Variants in SIPA1L1 observed in about 807,000 individuals in gnomAD.
SIPA1L1 encodes signal induced proliferation associated 1 like 1, also known as signal-induced proliferation-associated 1-like protein 1.
In SIPA1L1, 26 loss-of-function variants were observed where a neutral mutation model predicts 162.7. The ratio of observed to expected loss-of-function variants is 0.16; its 90% CI spans 0.12 to 0.22. The LOEUF (loss-of-function observed/expected upper bound fraction) is 0.22. Among genes scored for constraint, SIPA1L1 ranks in the 10% least tolerant of loss-of-function variants. The pLI, the probability that SIPA1L1 is intolerant of heterozygous loss-of-function variation, is 1.00. For missense variants in SIPA1L1, 1,874 were observed against 2,241.0 expected, an observed-to-expected ratio of 0.84 and a Z score of 3.31; for synonymous variants, 829 against 837.4, an observed-to-expected ratio of 0.99 and a Z score of 0.17.
At chr14:71,617,551 T>A (rs1272447634) in intron 5 of SIPA1L1, among the ~76,000 whole-genome samples, 2 of 152,264 alleles carry the variant, frequency 1.3e-5, no homozygotes, top group African/African-American at 4.8e-5. Context: ...ACATTTATGA[T>A]TGTAGCTTTT....
chr14:71,469,120 C>T (rs1328226783), intron 2 of SIPA1L1, among the ~76,000 whole-genome samples: 1 of 151,996 alleles, frequency 6.6e-6, no homozygotes, highest in African/African-American at 2.4e-5. Flanking sequence ...CCTTACCAAT[C>T]CGCAGAGTCC....
intron 7 of SIPA1L1, among the ~76,000 whole-genome samples, chr14:71,629,991 A>C (rs1396953562): frequency 6.6e-6 from 1 of 152,232 alleles, no homozygotes; most frequent in African/African-American, 2.4e-5. Context: ...AATGAGTTTG[A>C]CTAGCCATTT....
chr14:71,361,099 G>T (rs2037770577), intron 2 of SIPA1L1, among the ~76,000 whole-genome samples: 1 of 152,064 alleles, frequency 6.6e-6, no homozygotes, highest in African/African-American at 2.4e-5. Context: ...CTTCACTAGG[G>T]ATATGATAAA....
intron 7 of SIPA1L1, among the ~76,000 whole-genome samples, chr14:71,635,575 G>A (rs1212407113): frequency 1.3e-5 from 2 of 152,092 alleles, no homozygotes; most frequent in Non-Finnish European, 2.9e-5. Flanking sequence ...GATATATATA[G>A]TAATACATAG....
chr14:71,729,907 G>A (rs1200960309), intron 19 of SIPA1L1, 148 bp from the exon 20 acceptor site: 2 of 867,976 alleles, frequency 2.3e-6, no homozygotes, highest in African/African-American at 1.7e-5. Flanking sequence ...AGCTCCTTGA[G>A]GTTGTAGAAA....
At chr14:71,386,883 TTTTCTCATTGGTTTGTGTG>T in intron 2 of SIPA1L1, among the ~76,000 whole-genome samples, 1 of 152,308 alleles carries the variant, frequency 6.6e-6, no homozygotes, top group African/African-American at 2.4e-5. Context: ...TTACTGTGAA[TTTTCTCATTGGTTTGTGTG>T]AAAAATCTTC....
intron 2 of SIPA1L1, among the ~76,000 whole-genome samples, chr14:71,512,359 A>G (rs2051229526): frequency 6.6e-6 from 1 of 152,056 alleles, no homozygotes; most frequent in South Asian, 2.1e-4. Flanking sequence ...ACGTTAAAAT[A>G]TGTTCTTTCA....
At position 71,709,528 on chromosome 14, in the gene SIPA1L1, A is replaced by C. The variant is rs750851232; in HGVS notation, c.4072A>C (p.Thr1358Pro). The C allele has an allele frequency of 1.9e-6, 3 of 1,614,200 alleles. No homozygotes were observed. In the South Asian group the frequency reaches 3.3e-5, roughly 18 times the overall value. ...CTCCATGGCAGATCGGACTTTGGAG[A>C]CAGAGAGCCACGGCCTGGACCGGAA... ...VISMADRTLE[T>P]ESHGLDRKTE... The change falls in exon 17 of 24, where the codon ACA becomes CCA. Residue 1358 changes from threonine to proline, a missense_variant. Physicochemically the swap from Thr to Pro is conservative, Grantham distance 38. Transcript: ENST00000381232.
intron 7 of SIPA1L1, among the ~76,000 whole-genome samples, chr14:71,627,743 A>T (rs938025745): frequency 6.6e-6 from 1 of 152,176 alleles, no homozygotes; most frequent in Non-Finnish European, 1.5e-5. Flanking sequence ...GGCCTATTTT[A>T]CAGTCAAGGG....
In SIPA1L1 at chr14:71,361,021, T is replaced by A. The variant is rs191113946; in HGVS notation, c.-465+39840T>A. ...ATTTGTATATATAGTTTATATATATTTTTTTTTCCTGAGGATAAAATTATA... is the reference window on the plus strand; with the variant it reads ...ATTTGTATATATAGTTTATATATATATTTTTTTCCTGAGGATAAAATTATA... On this transcript the variant is annotated intron_variant, in intron 2 of 23. Coordinates refer to ENST00000381232, the MANE Select transcript of SIPA1L1 (RefSeq NM_001386936.1). Among the ~76,000 whole-genome samples the A allele has an allele frequency of 3.3e-3, 501 of 152,042 alleles. 1 individual carries two copies. The highest frequency in any genetic ancestry group is 0.014 in the South Asian group (67 of 4,818).
intron 2 of SIPA1L1, among the ~76,000 whole-genome samples, chr14:71,505,961 C>CT (rs1362284508): frequency 1.2e-5 from 1 of 84,694 alleles, no homozygotes; most frequent in Non-Finnish European, 2.8e-5. Context: ...TGCAAATATT[C>CT]CCCCCCCCCA....
At chr14:71,542,367 C>CCTGTTGCTG (rs58791623) in intron 4 of SIPA1L1, among the ~76,000 whole-genome samples, 11 of 137,496 alleles carry the variant, frequency 8.0e-5, no homozygotes, top group East Asian at 4.6e-4. Context: ...TCTTCTTCTT[C>CCTGTTGCTG]CTGCTGCTGC....
intron 3 of SIPA1L1, among the ~76,000 whole-genome samples, chr14:71,513,646 C>T (rs892895639): frequency 2.6e-5 from 4 of 151,998 alleles, no homozygotes; most frequent in South Asian, 2.1e-4. Flanking sequence ...CACGTGCCAC[C>T]GTGCCTAGCT....
At chr14:71,589,402 CT>C in intron 5 of SIPA1L1, 32 bp downstream of exon 5, 1 of 1,414,482 alleles carries the variant, frequency 7.1e-7, no homozygotes, top group Non-Finnish European at 9.8e-7. Context: ...CTTACATTTT[CT>C]TTTGCAGTAC....
intron 21 of SIPA1L1, among the ~76,000 whole-genome samples, chr14:71,734,724 G>A (rs1310129997): frequency 1.3e-5 from 2 of 152,014 alleles, no homozygotes; most frequent in African/African-American, 2.4e-5. Context: ...TCAGTGTGTT[G>A]GTTAATCTCC....
At chr14:71,400,739 A>G (rs1004747942) in intron 2 of SIPA1L1, 3 of 152,136 alleles carry the variant, frequency 2.0e-5, no homozygotes, top group African/African-American at 7.2e-5. Context: ...GATAAGGAAT[A>G]ATATAATGCC....
chr14:71,481,943 A>G lies in SIPA1L1; in HGVS notation c.-464-30800A>G, dbSNP rs536398933. ...TTGGATAATCCTATGACATCTCTTTATAGATATATCAAAATGGTAACTGGT... is the reference window on the plus strand; with the variant it reads ...TTGGATAATCCTATGACATCTCTTTGTAGATATATCAAAATGGTAACTGGT... On this transcript the variant is annotated intron_variant, in intron 2 of 23. Coordinates refer to ENST00000381232, the MANE Select transcript of SIPA1L1 (RefSeq NM_001386936.1). 1.9e-3 allele frequency among the ~76,000 whole-genome samples: 284 copies of G among 152,370 alleles called. 5 individuals are homozygous for G. Among genetic ancestry groups the G allele is most frequent in the Non-Finnish European group, 1.3e-3 (88 of 68,034 alleles).
chr14:71,475,425 C>A (rs1051679794), intron 2 of SIPA1L1, among the ~76,000 whole-genome samples: 4 of 152,108 alleles, frequency 2.6e-5, no homozygotes, highest in African/African-American at 9.7e-5. Flanking sequence ...TTTCCCCCTC[C>A]TCCTCTTTGT....
intron 19 of SIPA1L1, among the ~76,000 whole-genome samples, chr14:71,727,988 A>G (rs2084397459): frequency 6.6e-6 from 1 of 152,206 alleles, no homozygotes; most frequent in Non-Finnish European, 1.5e-5. Flanking sequence ...TCTTCAAGGT[A>G]GCTGTTCATG....
Sources: allele counts gnomAD v4.1 joint callset (sites outside exome capture counted in the v4.1 genomes callset), GRCh38; gene constraint gnomAD v4.1.1; transcripts MANE v1.5; gene names NCBI Gene and HGNC (gene_info 2026-07-23, HGNC 2026-07-21).